Variants in SPG21 observed in about 807,000 individuals in gnomAD.
SPG21 encodes maspardin.
A neutral mutation model predicts 38.9 loss-of-function variants in SPG21; 26 were observed. The ratio of observed to expected loss-of-function variants is 0.67; its 90% CI spans 0.49 to 0.93. The LOEUF is 0.93. Among genes scored for constraint, SPG21 ranks in the 40% least tolerant of loss-of-function variants. The pLI, the probability that SPG21 is intolerant of heterozygous loss-of-function variation, is 0.00. For synonymous variants in SPG21, 136 were observed against 128.9 expected, an observed-to-expected ratio of 1.05 and a Z score of -0.37; for missense variants, 333 against 376.5, an observed-to-expected ratio of 0.88 and a Z score of 0.96.
intron 1 of SPG21, among the ~76,000 whole-genome samples, chr15:64,985,455 A>G (rs1313137580): frequency 6.6e-6 from 1 of 152,238 alleles, no homozygotes; most frequent in Non-Finnish European, 1.5e-5. Context: ...AACATCCTCA[A>G]CTAAAAGGCT....
intron 1 of SPG21, among the ~76,000 whole-genome samples, chr15:64,985,838 C>T (rs1023002859): frequency 6.6e-6 from 1 of 152,132 alleles, no homozygotes; most frequent in African/African-American, 2.4e-5. Context: ...AGCTGAACCC[C>T]GAGGAGACAG....
chr15:64,967,077 G>T (rs1365573283), intron 7 of SPG21, among the ~76,000 whole-genome samples: 2 of 151,794 alleles, frequency 1.3e-5, no homozygotes, highest in Non-Finnish European at 2.9e-5. Flanking sequence ...AAGGGTCCAG[G>T]ATATAGAGAA....
At chr15:64,979,376 G>A (rs1382631511) in intron 3 of SPG21, among the ~76,000 whole-genome samples, 1 of 152,204 alleles carries the variant, frequency 6.6e-6, no homozygotes, top group Non-Finnish European at 1.5e-5. Context: ...AGAGGGCTGG[G>A]ATGAGGGCAG....
chr15:64,968,106 G>A (rs1158182223), intron 7 of SPG21, among the ~76,000 whole-genome samples: 1 of 152,106 alleles, frequency 6.6e-6, no homozygotes, highest in African/African-American at 2.4e-5. Flanking sequence ...ATAGCACTTT[G>A]GGAGGCCCAG....
chr15:64,980,159 A>C (rs1450459810), intron 3 of SPG21, among the ~76,000 whole-genome samples: 1 of 152,154 alleles, frequency 6.6e-6, no homozygotes, highest in Admixed American at 6.6e-5. Flanking sequence ...TAAAATGAGG[A>C]GCAGAAACAG....
At chr15:64,971,761 G>A (rs956279867) in intron 5 of SPG21, among the ~76,000 whole-genome samples, 1 of 151,356 alleles carries the variant, frequency 6.6e-6, no homozygotes, top group Non-Finnish European at 1.5e-5. Flanking sequence ...ACTTGAACCT[G>A]GGGGGCAGAG....
At chr15:64,974,059 A>G (rs890825864) in intron 5 of SPG21, among the ~76,000 whole-genome samples, 1 of 152,234 alleles carries the variant, frequency 6.6e-6, no homozygotes, top group Non-Finnish European at 1.5e-5. Context: ...AAAAACAGCA[A>G]AAGTATATTA....
chr15:64,986,352 T>C (rs1221731771), intron 1 of SPG21, among the ~76,000 whole-genome samples: 1 of 150,240 alleles, frequency 6.7e-6, no homozygotes, highest in African/African-American at 2.5e-5. Flanking sequence ...GGCGACAGAG[T>C]GAGACTCAAT....
chr15:64,966,329 A>G (rs1174056715), intron 7 of SPG21, among the ~76,000 whole-genome samples: 1 of 152,190 alleles, frequency 6.6e-6, no homozygotes, highest in Admixed American at 6.5e-5. Context: ...AAGTAAAATA[A>G]GCAAAAAAAA....
intron 1 of SPG21, chr15:64,987,122 G>A (rs1021326323): frequency 6.6e-6 from 1 of 152,072 alleles, no homozygotes; most frequent in Non-Finnish European, 1.5e-5. Context: ...ACATATTCAC[G>A]CGGTCATCCT....
intron 1 of SPG21, among the ~76,000 whole-genome samples, chr15:64,983,941 G>A (rs1566932401): frequency 6.6e-6 from 1 of 151,952 alleles, no homozygotes; most frequent in African/African-American, 2.4e-5. Context: ...CCGCCACCAC[G>A]CCCAACTAAT....
At position 64,963,129 on chromosome 15, in the gene SPG21, G is replaced by C. The variant is rs1391036406; in HGVS notation, c.*491C>G. ...AATTAAAAGCAGTTGATTTGCAGGA[G>C]AGCAAACAGTGGGGTAGTGGCCATG... is the stretch of plus-strand genomic sequence containing the variant. On this transcript the variant is annotated 3_prime_UTR_variant, in exon 9 of 9. Coordinates refer to ENST00000204566, the MANE Select transcript of SPG21 (RefSeq NM_016630.7). The C allele has an allele frequency of 1.3e-5, 2 of 153,344 alleles. No individual in the cohort carries two copies. Among genetic ancestry groups the C allele is most frequent in the Non-Finnish European group, 2.9e-5 (2 of 68,590 alleles). 9.5% of individuals were successfully genotyped at this position (153,344 alleles called of 1,614,324 possible).
intron 3 of SPG21, among the ~76,000 whole-genome samples, chr15:64,977,083 T>C (rs1187770581): frequency 1.3e-5 from 2 of 152,218 alleles, no homozygotes; most frequent in Admixed American, 1.3e-4. Context: ...TGTTTGTTTC[T>C]TGAGACAGAG....
chr15:64,970,190 T>A lies in SPG21; in HGVS notation c.485A>T (p.Lys162Ile). 1 of 1,614,126 alleles carries A rather than the reference T, an allele frequency of 6.2e-7. No homozygotes were observed. The highest frequency in any genetic ancestry group is 1.1e-5 in the South Asian group (1 of 91,088). The change falls in exon 6 of 9, where the codon AAA becomes ATA. Residue 162 changes from lysine (K) to isoleucine (I), a missense_variant. Physicochemically the swap from Lys to Ile is moderately radical, Grantham distance 102 (BLOSUM62 -3). Transcript: ENST00000204566. ...AGATGAAAAATTTCCAAGAACTATT[T>A]TTTTGAGCATAAATGCAGGCATCAG... is the stretch of plus-strand genomic sequence containing the variant. ...FWLMPAFMLKKIVLGNFSSGP... is the reference protein window; with the variant it reads ...FWLMPAFMLKIIVLGNFSSGP...
At chr15:64,971,464 A>G (rs1441827888) in intron 5 of SPG21, among the ~76,000 whole-genome samples, 1 of 150,762 alleles carries the variant, frequency 6.6e-6, no homozygotes, top group Non-Finnish European at 1.5e-5. Flanking sequence ...GCGTGAACCC[A>G]GGAGATGGAG....
chr15:64,980,794 TGA>T (rs2085868702), intron 3 of SPG21, 68 bp downstream of exon 3: 1 of 1,525,866 alleles, frequency 6.6e-7, no homozygotes, highest in Non-Finnish European at 9.0e-7. Flanking sequence ...CTATAGCTGA[TGA>T]GAGACAGAAG....
intron 8 of SPG21, among the ~76,000 whole-genome samples, chr15:64,964,699 C>T (rs998898315): frequency 2.0e-5 from 3 of 152,106 alleles, no homozygotes; most frequent in South Asian, 2.1e-4. Flanking sequence ...GGCGTGACCT[C>T]GGCTCACTGC....
intron 3 of SPG21, among the ~76,000 whole-genome samples, chr15:64,979,990 A>T (rs1405651097): frequency 6.6e-6 from 1 of 152,202 alleles, no homozygotes; most frequent in Non-Finnish European, 1.5e-5. Flanking sequence ...GAACAAAAAA[A>T]CTTCCTAACC....
At chr15:64,968,774 C>T (rs1415386966) in intron 7 of SPG21, among the ~76,000 whole-genome samples, 1 of 152,064 alleles carries the variant, frequency 6.6e-6, no homozygotes, top group African/African-American at 2.4e-5. Context: ...CCCTTGTTAC[C>T]CTTGTGAAGC....
Sources: gnomAD v4.1 joint callset for allele counts (sites outside exome capture counted in the v4.1 genomes callset) on GRCh38, gnomAD v4.1.1 for gene constraint, MANE v1.5 for transcripts, NCBI Gene and HGNC (gene_info 2026-07-23, HGNC 2026-07-21) for gene names.